The following PGM5 variants were observed in gnomAD, a reference collection of about 807,000 sequenced individuals.
The protein encoded by PGM5 is phosphoglucomutase 5.
A neutral mutation model predicts 59.2 loss-of-function variants in PGM5; 23 were observed. The ratio of observed to expected loss-of-function variants is 0.39; its 90% CI spans 0.28 to 0.55. The LOEUF (loss-of-function observed/expected upper bound fraction) is 0.55, where lower values mean the gene tolerates loss of function less well. Ranked by LOEUF, PGM5 falls within the 20% of genes least tolerant of loss-of-function variation. The pLI, the probability that PGM5 is intolerant of heterozygous loss-of-function variation, is 0.66. For synonymous variants in PGM5, 214 were observed against 286.0 expected, an observed-to-expected ratio of 0.75 and a Z score of 2.54; for missense variants, 574 against 748.3, an observed-to-expected ratio of 0.77 and a Z score of 2.72.
intron 4 of PGM5, among the ~76,000 whole-genome samples, chr9:68,389,992 T>C (rs2480141): frequency 5.9e-4 from 90 of 152,114 alleles, no homozygotes; most frequent in African/African-American, 2.1e-3. Context: ...AAGTTTTCTT[T>C]TCCCTGTATA....
chr9:68,443,350 G>A (rs1301282507), intron 6 of PGM5, among the ~76,000 whole-genome samples: 6 of 152,118 alleles, frequency 3.9e-5, no homozygotes, highest in Admixed American at 1.3e-4. Context: ...TAGCTGCCAG[G>A]GGCTAGGGGT....
chr9:68,512,633 A>T (rs1393513933), intron 10 of PGM5, among the ~76,000 whole-genome samples: 2 of 152,106 alleles, frequency 1.3e-5, no homozygotes, highest in Non-Finnish European at 2.9e-5. Flanking sequence ...CCCTTTTAAT[A>T]AGGACACCAG....
intron 10 of PGM5, among the ~76,000 whole-genome samples, chr9:68,525,966 G>C (rs552778574): frequency 6.6e-6 from 1 of 152,064 alleles, no homozygotes; most frequent in African/African-American, 2.4e-5. Flanking sequence ...TGAGACAGGA[G>C]AATGGCGTGA....
At chr9:68,364,968 T>C (rs1169968339) in intron 1 of PGM5, among the ~76,000 whole-genome samples, 1 of 152,198 alleles carries the variant, frequency 6.6e-6, no homozygotes, top group Non-Finnish European at 1.5e-5. Flanking sequence ...CAGACACACA[T>C]CAGCAACATT....
At chr9:68,517,849 G>A (rs28515496) in intron 10 of PGM5, among the ~76,000 whole-genome samples, 2,576 of 152,332 alleles carry the variant, frequency 0.017, 67 homozygotes, top group African/African-American at 0.056. Flanking sequence ...AAGCATGGTT[G>A]ACCAATGACC....
intron 6 of PGM5, among the ~76,000 whole-genome samples, chr9:68,430,799 C>T (rs942449649): frequency 2.0e-5 from 3 of 152,214 alleles, no homozygotes; most frequent in South Asian, 2.1e-4. Context: ...AGTTTGAAAA[C>T]TTTCAGTGAT....
chr9:68,524,967 C>T (rs936325693), intron 10 of PGM5, among the ~76,000 whole-genome samples: 2 of 152,190 alleles, frequency 1.3e-5, no homozygotes, highest in African/African-American at 4.8e-5. Flanking sequence ...TTCCTCTCTG[C>T]TTTTGAAATT....
chr9:68,390,351 T>C (rs2260644), intron 4 of PGM5, among the ~76,000 whole-genome samples: 1 of 152,196 alleles, frequency 6.6e-6, no homozygotes, highest in Non-Finnish European at 1.5e-5. Flanking sequence ...CTGGTTTATA[T>C]TGTATGTCCA....
At chr9:68,435,045 C>T (rs1823423891) in intron 6 of PGM5, among the ~76,000 whole-genome samples, 1 of 152,326 alleles carries the variant, frequency 6.6e-6, no homozygotes, top group Non-Finnish European at 1.5e-5. Flanking sequence ...GCTGTTTCCT[C>T]TACTAGGAGT....
intron 10 of PGM5, 47 bp downstream of exon 10, chr9:68,499,408 C>T (rs1554688446): frequency 1.3e-6 from 2 of 1,591,556 alleles, no homozygotes; most frequent in South Asian, 2.2e-5. Context: ...CAGCTCCTGG[C>T]AAATTTAGAG....
At chr9:68,405,110 C>CT (rs1822771423) in intron 6 of PGM5, 1 of 152,174 alleles carries the variant, frequency 6.6e-6, no homozygotes, top group Non-Finnish European at 1.5e-5. Context: ...GAAGACAAAG[C>CT]TTTTCTTTCC....
chr9:68,357,384 A>G lies in PGM5; in HGVS notation c.257A>G (p.Asn86Ser), dbSNP rs782465065. ...ATCGTGGTGCAGATGGCCGCGGCCA[A>G]CGGGGTGAGTGTCCGGATGCCCCTC... is the stretch of plus-strand genomic sequence containing the variant. ...IEIVVQMAAA[N>S]GIGRLIIGQN... Residue 86 changes from asparagine to serine, a missense_variant, in exon 1 of 11, where the codon AAC becomes AGC. Transcript: ENST00000396396. 94 of 1,555,864 alleles carry G rather than the reference A, an allele frequency of 6.0e-5. 1 individual carries two copies. Among genetic ancestry groups the G allele is most frequent in the Admixed American group, 3.1e-4 (16 of 52,436 alleles).
intron 10 of PGM5, among the ~76,000 whole-genome samples, chr9:68,513,310 T>C (rs949282596): frequency 2.0e-5 from 3 of 152,260 alleles, no homozygotes; most frequent in Non-Finnish European, 2.9e-5. Flanking sequence ...GAAATGATTA[T>C]GTTTGTATTC....
chr9:68,357,311 A>G lies in PGM5; in HGVS notation c.184A>G (p.Met62Val). The G allele has an allele frequency of 1.3e-6, 2 of 1,550,426 alleles. No homozygotes were observed. Among genetic ancestry groups the G allele is most frequent in the East Asian group, 2.4e-5 (1 of 41,016 alleles). Reference sequence around the variant, plus strand: ...CCTGCGCGACCGTCAGGGCTGCACCATGGTGGTGGGCAGCGACGGCAGGTA... The same window carrying G: ...CCTGCGCGACCGTCAGGGCTGCACCGTGGTGGTGGGCAGCGACGGCAGGTA... The part of the protein sequence containing the change: ...IDLRDRQGCT[M>V]VVGSDGRYFS... The change falls in exon 1 of 11, where the codon ATG (methionine) becomes GTG (valine). Residue 62 changes from methionine (M) to valine (V), a missense_variant. Transcript: ENST00000396396.
At chr9:68,484,583 A>AC (rs1824263099) in intron 9 of PGM5, among the ~76,000 whole-genome samples, 1 of 144,742 alleles carries the variant, frequency 6.9e-6, no homozygotes, top group African/African-American at 2.8e-5. Context: ...CACACAAAAC[A>AC]AAACAAACAA....
At chr9:68,524,635 G>A (rs948165547) in intron 10 of PGM5, among the ~76,000 whole-genome samples, 3 of 152,148 alleles carry the variant, frequency 2.0e-5, no homozygotes, top group Non-Finnish European at 4.4e-5. Flanking sequence ...CTGTCTGCCT[G>A]GTTTTGGTCA....
chr9:68,425,811 G>A (rs1823227204), intron 6 of PGM5, among the ~76,000 whole-genome samples: 1 of 152,070 alleles, frequency 6.6e-6, no homozygotes, highest in Non-Finnish European at 1.5e-5. Context: ...TTCATTGTAA[G>A]TAAACTCAGG....
At chr9:68,498,952 AC>A (rs1203771578) in intron 9 of PGM5, 1 of 373,440 alleles carries the variant, frequency 2.7e-6, no homozygotes, top group African/African-American at 2.1e-5. Flanking sequence ...TTCCCATATC[AC>A]CAGCCCAAGA....
intron 10 of PGM5, among the ~76,000 whole-genome samples, chr9:68,525,619 G>C (rs1324417908): frequency 6.6e-6 from 1 of 152,208 alleles, no homozygotes; most frequent in African/African-American, 2.4e-5. Context: ...ATCTAGGTTT[G>C]TGTAAGTACA....
Sources: gnomAD v4.1 joint callset for allele counts (sites outside exome capture counted in the v4.1 genomes callset) on GRCh38, gnomAD v4.1.1 for gene constraint, MANE v1.5 for transcripts, NCBI Gene and HGNC (gene_info 2026-07-23, HGNC 2026-07-21) for gene names.